Variants in ABL2 observed in about 807,000 individuals in gnomAD.
The protein encoded by ABL2 is tyrosine-protein kinase ABL2.
ABL2 carries 49 observed loss-of-function variants against 107.7 expected under a neutral mutation model. The observed-to-expected ratio is 0.45, with a 90% CI of 0.36 to 0.58. The LOEUF (loss-of-function observed/expected upper bound fraction) is 0.58. ABL2 is among the 20% of genes least tolerant of loss of function. ABL2 has a pLI of 0.00. For synonymous variants in ABL2, 549 were observed against 548.6 expected (o/e 1.00, Z -0.01); for missense variants, 1,245 against 1,457.0 (o/e 0.85, Z 2.37).
At chr1:179,220,144 G>C (rs1662793677) in intron 1 of ABL2, among the ~76,000 whole-genome samples, 1 of 152,182 alleles carries the variant, frequency 6.6e-6, no homozygotes, top group Non-Finnish European at 1.5e-5. Context: ...ATCAGTCCCA[G>C]CTCTATCATT....
intron 1 of ABL2, among the ~76,000 whole-genome samples, chr1:179,170,290 T>C (rs372628070): frequency 1.3e-5 from 2 of 152,134 alleles, no homozygotes; most frequent in African/African-American, 4.8e-5. Flanking sequence ...CTTAAAAAGA[T>C]CCCACCTCCT....
Position 179,107,900 on chromosome 1 carries a change from A to G in ABL2, c.3367T>C (p.Tyr1123His). Residue 1123 changes from tyrosine to histidine, a missense_variant, in exon 12 of 12, where the codon TAT (tyrosine) becomes CAT (histidine). This residue lies in a region of ABL2 where 761 missense variants were observed against 766.4 expected (regional missense o/e 0.99). Transcript: ENST00000502732. ...GHQLLDYCSG[Y>H]VDCIPQTRNK... ...CGAGTTTGAGGGATGCAGTCCACAT[A>G]GCCTGAGCAGTAGTCAAGCAGCTGG... The G allele has an allele frequency of 6.2e-7, 1 of 1,614,206 alleles. No individual in the cohort carries two copies. The highest frequency in any genetic ancestry group is 8.5e-7 in the Non-Finnish European group (1 of 1,180,044).
intron 2 of ABL2, 93 bp downstream of exon 2, chr1:179,133,219 T>C: frequency 1.9e-6 from 3 of 1,574,284 alleles, no homozygotes; most frequent in South Asian, 1.2e-5. Flanking sequence ...ACCCTTGAAT[T>C]TGTGGTTCCA....
intron 8 of ABL2, among the ~76,000 whole-genome samples, chr1:179,115,263 A>G (rs183978100): frequency 1.1e-3 from 163 of 152,264 alleles, no homozygotes; most frequent in African/African-American, 3.8e-3. Context: ...CCCAATTTTT[A>G]TTTAGATTTC....
chr1:179,215,928 A>T (rs1662539030), intron 1 of ABL2, among the ~76,000 whole-genome samples: 1 of 152,242 alleles, frequency 6.6e-6, no homozygotes, highest in Admixed American at 6.5e-5. Flanking sequence ...ATTTGCTGGA[A>T]TTAGCACACA....
chr1:179,184,475 T>C, intron 1 of ABL2: 1 of 888,314 alleles, frequency 1.1e-6, no homozygotes, highest in Admixed American at 2.1e-5. Context: ...ATGCAGGTGC[T>C]CATATGTTAG....
At chr1:179,150,308 C>A (rs955946344) in intron 1 of ABL2, among the ~76,000 whole-genome samples, 7 of 152,176 alleles carry the variant, frequency 4.6e-5, no homozygotes, top group African/African-American at 1.7e-4. Flanking sequence ...AATCAATTGA[C>A]AACCTTTTAG....
At position 179,183,739 on chromosome 1, in the gene ABL2, G is replaced by A. The variant is rs186206733; in HGVS notation, c.157+45502C>T. ...CCATTTCTTCATCTGTAAAATTAAG[G>A]AGCAGGGGAAAAGATCACTCTAAAA... On this transcript the variant is annotated intron_variant, in intron 1 of 11. Transcript: ENST00000502732. 5 of 152,570 alleles carry A rather than the reference G, an allele frequency of 3.3e-5. No homozygotes were observed. The East Asian group carries it at 9.6e-4, about 29-fold the overall frequency. The allele number at this position is 152,570 out of a possible 1,614,324, so 9.5% of individuals were successfully genotyped here.
chr1:179,111,474 C>T (rs975045406), intron 10 of ABL2, among the ~76,000 whole-genome samples: 11 of 149,522 alleles, frequency 7.4e-5, no homozygotes, highest in East Asian at 2.0e-4. Flanking sequence ...TTAGTAGAGA[C>T]GGGGTTTCAC....
At chr1:179,208,094 T>C (rs983715005) in intron 1 of ABL2, among the ~76,000 whole-genome samples, 2 of 152,168 alleles carry the variant, frequency 1.3e-5, no homozygotes, top group Non-Finnish European at 2.9e-5. Context: ...AAGACTAGCC[T>C]AAAAATAAAT....
At chr1:179,137,502 C>T (rs996191009) in intron 1 of ABL2, among the ~76,000 whole-genome samples, 26 of 152,014 alleles carry the variant, frequency 1.7e-4, no homozygotes, top group Non-Finnish European at 5.9e-5. Context: ...TAATGATTAT[C>T]AGTTTATTTA....
Position 179,147,181 on chromosome 1 carries a change from C to CAAAAAA in ABL2, c.158-13813_158-13808dup, listed in dbSNP as rs58297805. On this transcript the variant is annotated intron_variant, in intron 1 of 11. Coordinates refer to ENST00000502732, the MANE Select transcript of ABL2 (RefSeq NM_007314.4). The stretch of plus-strand genomic sequence containing the variant: ...CCAATCACTAATCATCAGAGAAATG[C>CAAAAAA]AAAAAAAAAAAAAAAAAAAAAAAAA... 3.8e-3 allele frequency among the ~76,000 whole-genome samples: 193 copies of CAAAAAA among 50,530 alleles called. 33 individuals are homozygous for CAAAAAA. Among genetic ancestry groups the CAAAAAA allele is most frequent in the Admixed American group, 0.015 (44 of 2,928 alleles). 33.1% of individuals were successfully genotyped at this position (50,530 alleles called of 152,430 possible).
At chr1:179,183,916 G>A (rs773171895) in intron 1 of ABL2, 28 of 257,866 alleles carry the variant, frequency 1.1e-4, no homozygotes, top group Admixed American at 1.9e-4. Flanking sequence ...GAGACTGGAA[G>A]AGACATCATC....
intron 1 of ABL2, among the ~76,000 whole-genome samples, chr1:179,147,911 AATAGT>A (rs1408865723): frequency 6.6e-6 from 1 of 152,238 alleles, no homozygotes; most frequent in Non-Finnish European, 1.5e-5. Flanking sequence ...GTTAGTCAAT[AATAGT>A]ATAAGTACAT....
intron 1 of ABL2, among the ~76,000 whole-genome samples, chr1:179,159,946 T>C (rs1029433561): frequency 6.6e-6 from 1 of 152,054 alleles, no homozygotes; most frequent in Non-Finnish European, 1.5e-5. Context: ...AAACCCTGTC[T>C]CTATTAAAAA....
At position 179,120,187 on chromosome 1, in the gene ABL2, C is replaced by T; in HGVS notation, c.1045+3G>A. 1 of 1,589,442 alleles carries T rather than the reference C, an allele frequency of 6.3e-7. No individual in the cohort carries two copies. The highest frequency in any genetic ancestry group is 8.6e-7 in the Non-Finnish European group (1 of 1,165,218). The stretch of plus-strand genomic sequence containing the variant: ...AATCTATGGTTCAGGCAAGGTTCCT[C>T]ACCTAAAAGTTGTACCAGATTAGGA... On this transcript the variant is annotated splice_donor_region_variant and intron_variant, in intron 6 of 11. Coordinates refer to ENST00000502732, the MANE Select transcript of ABL2 (RefSeq NM_007314.4).
intron 1 of ABL2, among the ~76,000 whole-genome samples, chr1:179,134,472 C>T (rs529610581): frequency 2.0e-4 from 31 of 152,260 alleles, no homozygotes; most frequent in South Asian, 1.0e-3. Context: ...ACCGGGATGG[C>T]GTTTGCCTTC....
At chr1:179,217,279 A>C (rs973120114) in intron 1 of ABL2, among the ~76,000 whole-genome samples, 3 of 151,288 alleles carry the variant, frequency 2.0e-5, no homozygotes, top group African/African-American at 7.3e-5. Context: ...GCACCATTGC[A>C]CTCCAGCCTG....
In ABL2 at chr1:179,107,622, G is replaced by A. The variant is rs979536587; in HGVS notation, c.*96C>T. On this transcript the variant is annotated 3_prime_UTR_variant, in exon 12 of 12. Coordinates refer to ENST00000502732, the MANE Select transcript of ABL2 (RefSeq NM_007314.4). ...ACTTCACATAAACACACTCAAGTATGAGTCTTTCATTTTCTGAAAACAAGA... is the reference window on the plus strand; with the variant it reads ...ACTTCACATAAACACACTCAAGTATAAGTCTTTCATTTTCTGAAAACAAGA... 9.2e-6 allele frequency: 14 copies of A among 1,514,362 alleles called. No individual in the cohort carries two copies. Among genetic ancestry groups the A allele is most frequent in the Non-Finnish European group, 1.2e-5 (14 of 1,134,608 alleles). 93.8% of individuals were successfully genotyped at this position (1,514,362 alleles called of 1,614,324 possible).
Sources: allele counts gnomAD v4.1 joint callset (sites outside exome capture counted in the v4.1 genomes callset), GRCh38; gene constraint gnomAD v4.1.1; regional missense constraint gnomAD v4.1.1; transcripts MANE v1.5; gene names NCBI Gene and HGNC (gene_info 2026-07-23, HGNC 2026-07-21).